HS3ST4: variants seen among roughly 807,000 people sequenced by gnomAD.
HS3ST4 encodes heparan sulfate glucosamine 3-O-sulfotransferase 4.
A neutral mutation model predicts 29.2 loss-of-function variants in HS3ST4; 17 were observed. The ratio of observed to expected loss-of-function variants is 0.58; its 90% confidence interval spans 0.40 to 0.87. The LOEUF is 0.87. Among genes scored for constraint, HS3ST4 ranks in the 40% least tolerant of loss-of-function variants. The probability of loss-of-function intolerance (pLI) is 0.00; values close to 1 mark genes in which losing one functional copy is unlikely to be tolerated. For missense variants in HS3ST4, 627 were observed against 634.5 expected (o/e 0.99, Z 0.13); for synonymous variants, 314 against 285.7 (o/e 1.10, Z -1.00).
At chr16:25,988,884 C>CA (rs950677143) in intron 1 of HS3ST4, among the ~76,000 whole-genome samples, 8 of 150,558 alleles carry the variant, frequency 5.3e-5, no homozygotes, top group South Asian at 2.1e-4. Context: ...AAACAAAACT[C>CA]AAAAAAAAAT....
intron 1 of HS3ST4, among the ~76,000 whole-genome samples, chr16:25,961,593 T>C (rs1968793330): frequency 6.6e-6 from 1 of 152,166 alleles, no homozygotes; most frequent in Non-Finnish European, 1.5e-5. Flanking sequence ...CTAATAACTA[T>C]ACAGAGTGGG....
rs149370280 is a variant in HS3ST4 at position 26,053,456 on chromosome 16, C to T, written c.735-82156C>T. On this transcript the variant is annotated intron_variant, in intron 1 of 1. Coordinates refer to ENST00000331351, the MANE Select transcript of HS3ST4 (RefSeq NM_006040.3). ...ATAAGATCTGAGGAAAAAAGCAGTT[C>T]CTATGATGATGTGTATAACATCCTG... 2.3e-3 allele frequency among the ~76,000 whole-genome samples: 346 copies of T among 152,236 alleles called. 3 individuals carry two copies. Among genetic ancestry groups the T allele is most frequent in the African/African-American group, 7.7e-3 (321 of 41,534 alleles).
intron 1 of HS3ST4, among the ~76,000 whole-genome samples, chr16:25,906,481 T>G (rs552457907): frequency 6.6e-6 from 1 of 152,282 alleles, no homozygotes; most frequent in African/African-American, 2.4e-5. Context: ...TCCAGGATGC[T>G]GGGTTAGAGC....
Position 26,135,598 on chromosome 16 carries a change from C to T in HS3ST4, c.735-14C>T, listed in dbSNP as rs1359744632. 9.6e-6 allele frequency: 15 copies of T among 1,558,682 alleles called. No individual in the cohort carries two copies. In the Admixed American group the frequency reaches 1.8e-4, roughly 19 times the overall value. On this transcript the variant is annotated splice_polypyrimidine_tract_variant and intron_variant, in intron 1 of 1. Coordinates refer to ENST00000331351, the MANE Select transcript of HS3ST4 (RefSeq NM_006040.3). ...AGGAATAACCATTCTCTTCCTTTTT[C>T]CTCCCTCTCCTAGAAATGTGATGCC...
intron 1 of HS3ST4, among the ~76,000 whole-genome samples, chr16:26,042,398 A>G (rs1490682518): frequency 2.6e-5 from 4 of 151,780 alleles, no homozygotes; most frequent in Non-Finnish European, 4.4e-5. Flanking sequence ...GCAGTTGTAA[A>G]ATGGAGCGTC....
chr16:25,924,702 C>G (rs1340397879), intron 1 of HS3ST4, among the ~76,000 whole-genome samples: 1 of 152,144 alleles, frequency 6.6e-6, no homozygotes, highest in Non-Finnish European at 1.5e-5. Context: ...TTCATTACAA[C>G]TTTTCCCTCT....
chr16:25,814,965 G>T (rs1256059263), intron 1 of HS3ST4, among the ~76,000 whole-genome samples: 1 of 152,208 alleles, frequency 6.6e-6, no homozygotes, highest in African/African-American at 2.4e-5. Context: ...GCATTTGTCT[G>T]TGAGTGAAGC....
At chr16:26,089,288 C>A (rs1898824393) in intron 1 of HS3ST4, among the ~76,000 whole-genome samples, 1 of 152,186 alleles carries the variant, frequency 6.6e-6, no homozygotes, top group Non-Finnish European at 1.5e-5. Flanking sequence ...TTGACTTCTT[C>A]ATGCTGGGAG....
intron 1 of HS3ST4, among the ~76,000 whole-genome samples, chr16:26,076,390 T>C (rs1028993735): frequency 5.3e-5 from 8 of 152,204 alleles, no homozygotes; most frequent in African/African-American, 1.9e-4. Context: ...GCTGAGGTAT[T>C]GGCATTAATT....
intron 1 of HS3ST4, among the ~76,000 whole-genome samples, chr16:25,920,254 A>C: frequency 6.6e-6 from 1 of 152,142 alleles, no homozygotes; most frequent in Non-Finnish European, 1.5e-5. Context: ...TATAAATTAA[A>C]TCAATCAATA....
intron 1 of HS3ST4, chr16:26,032,761 C>T: frequency 1.7e-6 from 2 of 1,171,378 alleles, no homozygotes; most frequent in East Asian, 2.3e-5. Flanking sequence ...GTTCGTCCTT[C>T]ACCTTGGCTT....
chr16:25,777,196 C>T (rs1024416507), intron 1 of HS3ST4, among the ~76,000 whole-genome samples: 5 of 152,180 alleles, frequency 3.3e-5, no homozygotes, highest in Non-Finnish European at 5.9e-5. Flanking sequence ...ATGTTGGAAT[C>T]GATACCACCT....
intron 1 of HS3ST4, among the ~76,000 whole-genome samples, chr16:26,009,001 A>G (rs1452266762): frequency 6.6e-6 from 1 of 152,162 alleles, no homozygotes; most frequent in Non-Finnish European, 1.5e-5. Context: ...GGGAAGTTCC[A>G]AGCTGGTCTC....
At chr16:25,729,586 G>A (rs1047157984) in intron 1 of HS3ST4, among the ~76,000 whole-genome samples, 1 of 152,194 alleles carries the variant, frequency 6.6e-6, no homozygotes, top group Non-Finnish European at 1.5e-5. Context: ...ACAAATTAGT[G>A]ATGCCTTGTA....
chr16:25,892,867 A>G (rs1968023874), intron 1 of HS3ST4, among the ~76,000 whole-genome samples: 1 of 152,194 alleles, frequency 6.6e-6, no homozygotes, highest in Non-Finnish European at 1.5e-5. Flanking sequence ...AGTGAACAAG[A>G]CAGCAAAGTC....
At chr16:25,829,236 T>C (rs1288106254) in intron 1 of HS3ST4, among the ~76,000 whole-genome samples, 1 of 152,152 alleles carries the variant, frequency 6.6e-6, no homozygotes, top group African/African-American at 2.4e-5. Context: ...GAATTTACTG[T>C]ATGAAGGAGC....
intron 1 of HS3ST4, among the ~76,000 whole-genome samples, chr16:25,913,668 T>C (rs1283521919): frequency 6.6e-6 from 1 of 152,174 alleles, no homozygotes; most frequent in Non-Finnish European, 1.5e-5. Flanking sequence ...GAAGGGTTAC[T>C]AGGTTGAGAG....
chr16:25,703,610 A>G (rs1204072104), intron 1 of HS3ST4, among the ~76,000 whole-genome samples: 1 of 152,242 alleles, frequency 6.6e-6, no homozygotes, highest in Admixed American at 6.5e-5. Flanking sequence ...GGGAGTAAAT[A>G]ATAAGCTTCA....
intron 1 of HS3ST4, among the ~76,000 whole-genome samples, chr16:25,994,520 T>C (rs1411347246): frequency 6.6e-6 from 1 of 152,196 alleles, no homozygotes; most frequent in Non-Finnish European, 1.5e-5. Flanking sequence ...TTTTGGCTAA[T>C]TTTTGATATT....
Sources: allele counts gnomAD v4.1 joint callset (sites outside exome capture counted in the v4.1 genomes callset), GRCh38; gene constraint gnomAD v4.1.1; transcripts MANE v1.5; gene names NCBI Gene and HGNC (gene_info 2026-07-23, HGNC 2026-07-21).